Variants in SIK3 observed in about 807,000 individuals in gnomAD.
SIK3 encodes serine/threonine-protein kinase SIK3.
A neutral mutation model predicts 144.2 loss-of-function variants in SIK3; 28 were observed. The ratio of observed to expected loss-of-function variants is 0.19; its 90% CI spans 0.14 to 0.27. The LOEUF is 0.27. Ranked by LOEUF, SIK3 falls within the 10% of genes least tolerant of loss-of-function variation. SIK3 has a pLI of 1.00. For synonymous variants in SIK3, 686 were observed against 676.3 expected (o/e 1.01, Z -0.22); for missense variants, 1,319 against 1,776.0 (o/e 0.74, Z 4.62).
intron 3 of SIK3, among the ~76,000 whole-genome samples, chr11:116,949,472 T>C (rs1038175541): frequency 3.3e-5 from 5 of 152,236 alleles, no homozygotes; most frequent in African/African-American, 1.2e-4. Flanking sequence ...CAAATTCTGG[T>C]TCCTTTGAAG....
intron 11 of SIK3, among the ~76,000 whole-genome samples, chr11:116,874,645 A>G (rs758860637): frequency 6.6e-6 from 1 of 152,222 alleles, no homozygotes; most frequent in Non-Finnish European, 1.5e-5. Context: ...TAGGCTGAGA[A>G]CAAGAGACAT....
chr11:116,949,355 T>A (rs61907605), intron 3 of SIK3, among the ~76,000 whole-genome samples: 24,406 of 152,206 alleles, frequency 0.16, 2,061 homozygotes, highest in Admixed American at 0.21. Context: ...TTTCTTCCTC[T>A]CATTTACTGA....
intron 4 of SIK3, among the ~76,000 whole-genome samples, chr11:116,915,124 A>ATGTGTG (rs35059138): frequency 0.062 from 8,011 of 129,846 alleles, 311 homozygotes; most frequent in Admixed American, 0.11. Flanking sequence ...GAAGCCATAT[A>ATGTGTG]TGTGTGTGTG....
chr11:116,965,713 G>A (rs185464628), intron 1 of SIK3, among the ~76,000 whole-genome samples: 1 of 123,366 alleles, frequency 8.1e-6, no homozygotes, highest in Admixed American at 8.9e-5. Context: ...CTCTAACATG[G>A]TGAAAACCCG....
At chr11:117,065,251 T>C (rs965815992) in intron 1 of SIK3, among the ~76,000 whole-genome samples, 1 of 151,794 alleles carries the variant, frequency 6.6e-6, no homozygotes, top group African/African-American at 2.4e-5. Context: ...TTTCTTCCCT[T>C]GTTCTGATAA....
chr11:116,950,142 T>C (rs1948867237), intron 3 of SIK3: 1 of 470,660 alleles, frequency 2.1e-6, no homozygotes, highest in Admixed American at 2.4e-5. Context: ...CCTGATCAAG[T>C]TCCACAAGTG....
At chr11:116,945,950 ACT>A (rs1426510902) in intron 3 of SIK3, among the ~76,000 whole-genome samples, 1 of 152,016 alleles carries the variant, frequency 6.6e-6, no homozygotes, top group Non-Finnish European at 1.5e-5. Context: ...ATAATCTGCT[ACT>A]CTCAATAGAA....
chr11:117,001,339 C>T (rs1240720575), intron 1 of SIK3, among the ~76,000 whole-genome samples: 1 of 152,136 alleles, frequency 6.6e-6, no homozygotes, highest in African/African-American at 2.4e-5. Context: ...AACCCCATCT[C>T]TACTAAAACT....
At chr11:116,908,332 A>T (rs1946161086) in intron 4 of SIK3, among the ~76,000 whole-genome samples, 1 of 152,140 alleles carries the variant, frequency 6.6e-6, no homozygotes, top group African/African-American at 2.4e-5. Flanking sequence ...AATATAAATT[A>T]GCCAGGCATG....
rs1955578301 is a variant in SIK3 at position 117,098,343 on chromosome 11, G to A, written c.73C>T (p.Arg25Cys). 8.7e-7 allele frequency: 1 copy of A among 1,149,208 alleles called. No homozygotes were observed. Among genetic ancestry groups the A allele is most frequent in the African/African-American group, 1.6e-5 (1 of 60,796 alleles). The allele number at this position is 1,149,208 out of a possible 1,614,324, so 71.2% of individuals were successfully genotyped here. The change falls in exon 1 of 25, where the codon CGC becomes TGC. Residue 25 changes from arginine (R) to cysteine (C), a missense_variant. Transcript: ENST00000445177. ...CCCGGCGCGGGCGGAGGCAGCAGGC[G>A]GCCCGCGGGCCCGGCTCCCCCAGTC... The part of the protein sequence containing the change: ...AGTGGAGPAG[R>C]LLPPPAPGSP...
chr11:116,901,117 G>T (rs1409340622), intron 4 of SIK3, among the ~76,000 whole-genome samples: 2 of 152,096 alleles, frequency 1.3e-5, no homozygotes, highest in Non-Finnish European at 2.9e-5. Flanking sequence ...AGCCCACCTC[G>T]GCCTCCCAAA....
In SIK3 at chr11:116,858,733, G is replaced by GT; in HGVS notation, c.2766-35dup. Reference sequence around the variant, plus strand: ...ACAAAAGGGAGTACCAGACATCCATGTAACAAGTACTAGACTTCCTGGGAA... The same window carrying GT: ...ACAAAAGGGAGTACCAGACATCCATGTTAACAAGTACTAGACTTCCTGGGAA... On this transcript the variant is annotated intron_variant, in intron 20 of 24. Coordinates refer to ENST00000445177, the MANE Select transcript of SIK3 (RefSeq NM_001366686.3). This position sits in a 1 kb window ranked among gnomAD's most constrained non-coding sequence, Gnocchi z 5.4. The GT allele has an allele frequency of 6.6e-7, 1 of 1,519,728 alleles. No individual in the cohort carries two copies. The highest frequency in any genetic ancestry group is 8.8e-7 in the Non-Finnish European group (1 of 1,133,732). The allele number at this position is 1,519,728 out of a possible 1,614,324, so 94.1% of individuals were successfully genotyped here.
At chr11:117,086,756 G>A (rs768596527) in intron 1 of SIK3, among the ~76,000 whole-genome samples, 10 of 151,788 alleles carry the variant, frequency 6.6e-5, no homozygotes, top group Non-Finnish European at 1.2e-4. Context: ...CAGCACTTTG[G>A]GAGGTCGAGG....
chr11:116,964,695 A>G (rs1949461959), intron 1 of SIK3, among the ~76,000 whole-genome samples: 1 of 152,148 alleles, frequency 6.6e-6, no homozygotes, highest in Non-Finnish European at 1.5e-5. Flanking sequence ...AGCCTGGCCA[A>G]CATGGTGAAA....
At position 116,857,481 on chromosome 11, in the gene SIK3, C is replaced by T. The variant is rs547937687; in HGVS notation, c.3655+329G>A. The T allele has an allele frequency of 2.4e-5, 7 of 288,858 alleles. No individual in the cohort carries two copies. The East Asian group carries it at 5.4e-4, about 22-fold the overall frequency. The allele number at this position is 288,858 out of a possible 1,614,324, so 17.9% of individuals were successfully genotyped here. On this transcript the variant is annotated intron_variant, in intron 21 of 24. Transcript: ENST00000445177. Reference sequence around the variant, plus strand: ...TTTACACTAAATTATGTTGGGCTGACTTTTTTTCTATTGCACAAGTTTAAA... The same window carrying T: ...TTTACACTAAATTATGTTGGGCTGATTTTTTTTCTATTGCACAAGTTTAAA...
chr11:116,979,080 A>G (rs1292056034), intron 1 of SIK3, among the ~76,000 whole-genome samples: 1 of 152,204 alleles, frequency 6.6e-6, no homozygotes, highest in Non-Finnish European at 1.5e-5. Context: ...TCACTAGGTA[A>G]AGCCAAATTG....
intron 1 of SIK3, among the ~76,000 whole-genome samples, chr11:117,020,487 G>A (rs1266950469): frequency 6.6e-6 from 1 of 152,042 alleles, no homozygotes; most frequent in Admixed American, 6.5e-5. Context: ...AGGACTGGTG[G>A]CCAATTGCCA....
intron 4 of SIK3, among the ~76,000 whole-genome samples, chr11:116,900,087 T>C (rs1945653519): frequency 6.6e-6 from 1 of 152,202 alleles, no homozygotes; most frequent in Non-Finnish European, 1.5e-5. Context: ...TGTCTGGCCC[T>C]GGTACCACTC....
chr11:117,057,479 G>C (rs1953588856), intron 1 of SIK3, among the ~76,000 whole-genome samples: 1 of 152,114 alleles, frequency 6.6e-6, no homozygotes, highest in Admixed American at 6.5e-5. Context: ...CAATTTAGTA[G>C]ACTGGCAAGC....
Sources: allele counts gnomAD v4.1 joint callset (sites outside exome capture counted in the v4.1 genomes callset), GRCh38; gene constraint gnomAD v4.1.1; non-coding constraint Gnocchi (gnomAD v3.1); transcripts MANE v1.5; gene names NCBI Gene and HGNC (gene_info 2026-07-23, HGNC 2026-07-21).